Variants in AKR1C8 observed in about 807,000 individuals in gnomAD.
AKR1C8 encodes the protein aldo-keto reductase family 1 member C8, also known as aldo-keto reductase family 1 member C-like protein 1.
At chr10:5,122,202 C>G in the AKR1C8 span, 1 of 321,198 alleles carries the variant, frequency 3.1e-6, no homozygotes, top group Non-Finnish European at 6.4e-6. Context: ...TCACCTTTCC[C>G]AGGACAGCAG....
At chr10:5,142,848 G>A in the AKR1C8 span, among the ~76,000 whole-genome samples, 1 of 152,050 alleles carries the variant, frequency 6.6e-6, no homozygotes, top group Non-Finnish European at 1.5e-5. Context: ...GAGTGAACAT[G>A]TGCTATTGGA....
At chr10:5,140,368 T>C in the AKR1C8 span, among the ~76,000 whole-genome samples, 1 of 152,116 alleles carries the variant, frequency 6.6e-6, no homozygotes, top group Non-Finnish European at 1.5e-5. Context: ...TGCAGCACTA[T>C]TCACAATAGC....
the AKR1C8 span, among the ~76,000 whole-genome samples, chr10:5,183,069 A>G: frequency 2.0e-5 from 3 of 152,196 alleles, no homozygotes; most frequent in Non-Finnish European, 4.4e-5. Flanking sequence ...CTTGCCATAC[A>G]TTTGTTATTA....
the AKR1C8 span, among the ~76,000 whole-genome samples, chr10:5,127,820 T>C: frequency 6.6e-6 from 1 of 151,456 alleles, no homozygotes; most frequent in Non-Finnish European, 1.5e-5. Context: ...CTGGTGTTCC[T>C]GAGGGAGAAG....
At chr10:5,178,679 A>C in the AKR1C8 span, among the ~76,000 whole-genome samples, 3 of 152,152 alleles carry the variant, frequency 2.0e-5, no homozygotes, top group Non-Finnish European at 4.4e-5. Flanking sequence ...TTGGATGCAT[A>C]TATATTTAGG....
the AKR1C8 span, among the ~76,000 whole-genome samples, chr10:5,156,763 T>C: frequency 0.24 from 37,111 of 152,038 alleles, 4,703 homozygotes; most frequent in African/African-American, 0.28. Flanking sequence ...ATTTAATTTT[T>C]CCACAAGTTA....
chr10:5,127,623 T>C, the AKR1C8 span, among the ~76,000 whole-genome samples: 1 of 135,780 alleles, frequency 7.4e-6, no homozygotes, highest in Non-Finnish European at 1.6e-5. Flanking sequence ...GGAGCCTGAG[T>C]CAGGAGAATC....
At chr10:5,167,297 G>A in the AKR1C8 span, among the ~76,000 whole-genome samples, 1 of 152,106 alleles carries the variant, frequency 6.6e-6, no homozygotes, top group Non-Finnish European at 1.5e-5. Flanking sequence ...TATACCCAAA[G>A]GATTATAAAT....
chr10:5,144,858 T>G, the AKR1C8 span, among the ~76,000 whole-genome samples: 2 of 152,206 alleles, frequency 1.3e-5, no homozygotes, highest in Non-Finnish European at 2.9e-5. Flanking sequence ...TGACTACGCT[T>G]TATTTCTTTC....
At chr10:5,144,027 G>C in the AKR1C8 span, among the ~76,000 whole-genome samples, 3 of 152,050 alleles carry the variant, frequency 2.0e-5, no homozygotes, top group South Asian at 4.1e-4. Flanking sequence ...CAGGAAATTG[G>C]TAACTCTATA....
At chr10:5,126,924 G>T in the AKR1C8 span, among the ~76,000 whole-genome samples, 2 of 152,030 alleles carry the variant, frequency 1.3e-5, no homozygotes, top group East Asian at 3.9e-4. Flanking sequence ...AGGGAAAAAA[G>T]ACATTAAAGA....
the AKR1C8 span, chr10:5,160,825 C>G: frequency 2.1e-6 from 1 of 471,116 alleles, no homozygotes; most frequent in Non-Finnish European, 4.4e-6. Context: ...CCAAGTGTCA[C>G]AAAGCTCCAC....
At chr10:5,154,095 A>C in the AKR1C8 span, 6 of 462,122 alleles carry the variant, frequency 1.3e-5, no homozygotes, top group South Asian at 8.0e-5. Context: ...TCTCTCTGTC[A>C]CCTAAAAGGA....
the AKR1C8 span, chr10:5,155,642 C>A: frequency 2.2e-6 from 1 of 452,540 alleles, no homozygotes; most frequent in African/African-American, 2.0e-5. Context: ...CTACAGAAAA[C>A]AGCCTGTGAG....
the AKR1C8 span, among the ~76,000 whole-genome samples, chr10:5,179,107 T>G: frequency 6.6e-6 from 1 of 152,322 alleles, no homozygotes; most frequent in East Asian, 1.9e-4. Flanking sequence ...GATTTTGCAG[T>G]GGCTGGTACT....
chr10:5,153,954 T>C, the AKR1C8 span, among the ~76,000 whole-genome samples: 1 of 152,188 alleles, frequency 6.6e-6, no homozygotes, highest in Admixed American at 6.5e-5. Flanking sequence ...CTAAAATTTA[T>C]GGGTATTACT....
chr10:5,169,058 C>T, the AKR1C8 span, among the ~76,000 whole-genome samples: 1 of 129,844 alleles, frequency 7.7e-6, no homozygotes, highest in Non-Finnish European at 1.7e-5. Flanking sequence ...CTCAGACAAG[C>T]ACTGACATCA....
the AKR1C8 span, among the ~76,000 whole-genome samples, chr10:5,152,474 G>A: frequency 4.8e-4 from 73 of 152,278 alleles, no homozygotes; most frequent in African/African-American, 1.7e-3. Context: ...AAATTTACTG[G>A]AACACCAGGA....
the AKR1C8 span, among the ~76,000 whole-genome samples, chr10:5,167,873 A>T: frequency 6.6e-6 from 1 of 152,140 alleles, no homozygotes; most frequent in Non-Finnish European, 1.5e-5. Flanking sequence ...TCTTTCAGTT[A>T]CATTTATGTG....
Sources: allele counts gnomAD v4.1 joint callset (sites outside exome capture counted in the v4.1 genomes callset), GRCh38; gene constraint gnomAD v4.1.1; transcripts MANE v1.5; gene names NCBI Gene and HGNC (gene_info 2026-07-23, HGNC 2026-07-21).